Variants in OXA1L observed in about 807,000 individuals in gnomAD.
OXA1L encodes OXA1L mitochondrial inner membrane insertase, also known as mitochondrial inner membrane protein OXA1L.
In OXA1L, 42 loss-of-function variants were observed where a neutral mutation model predicts 52.2. That is an observed-to-expected ratio of 0.80 (90% CI 0.63 to 1.04). OXA1L has a LOEUF of 1.04. Among genes scored for constraint, OXA1L ranks in the 50% least tolerant of loss-of-function variants. The pLI is 0.00. For synonymous variants in OXA1L, 239 were observed against 201.9 expected (o/e 1.18, Z -1.56); for missense variants, 572 against 555.0 (o/e 1.03, Z -0.31).
At chr14:22,767,036 G>C (rs2038411939) in intron 1 of OXA1L, 2 of 1,536,080 alleles carry the variant, frequency 1.3e-6, no homozygotes, top group East Asian at 2.4e-5. Context: ...CGATAACTGA[G>C]ATGCGGGGAA....
In OXA1L at chr14:22,767,482, G is replaced by A. The variant is rs1594937850; in HGVS notation, c.225+73G>A. On this transcript the variant is annotated intron_variant, in intron 2 of 9. Transcript: ENST00000612549. ...TGGTTTCATATTTTGTTTTGTTTGG[G>A]AGCAGGGGGAATATGGAGCAGAGTT... 9 of 1,346,272 alleles carry A rather than the reference G, an allele frequency of 6.7e-6. No individual in the cohort carries two copies. The East Asian group carries it at 9.4e-5, about 14-fold the overall frequency. 83.4% of individuals were successfully genotyped at this position (1,346,272 alleles called of 1,614,324 possible).
chr14:22,771,664 C>A lies in OXA1L; in HGVS notation c.*106C>A. 2 of 1,151,190 alleles carry A rather than the reference C, an allele frequency of 1.7e-6. No individual in the cohort carries two copies. Among genetic ancestry groups the A allele is most frequent in the Non-Finnish European group, 2.6e-6 (2 of 782,288 alleles). 71.3% of individuals were successfully genotyped at this position (1,151,190 alleles called of 1,614,324 possible). A position where few individuals can be genotyped will look rare whatever the true frequency, so the allele number is the denominator to read the frequency against. Reference sequence around the variant, plus strand: ...TGCCCCAGTCCTAGGAACTGTGGCACACAGAGATGTTCATTTTAAAAACGG... The same window carrying A: ...TGCCCCAGTCCTAGGAACTGTGGCAAACAGAGATGTTCATTTTAAAAACGG... On this transcript the variant is annotated 3_prime_UTR_variant, in exon 10 of 10. Coordinates refer to ENST00000612549, the MANE Select transcript of OXA1L (RefSeq NM_005015.5).
rs1566433785 is a variant in OXA1L, at chr14:22,768,008, T to G, written c.276T>G (p.Pro92=). 7 of 1,614,192 alleles carry G rather than the reference T, an allele frequency of 4.3e-6. No homozygotes were observed. The highest frequency in any genetic ancestry group is 5.9e-6 in the Non-Finnish European group (7 of 1,180,006). ...CAACTCCCTCACCCACAGCAGTACC[T>G]GAGGTGGCTTCTGGAGAGACTGCAG... The part of the protein sequence containing the change: ...VAATPSPTAV[P]EVASGETADV... Residue 92 remains proline, a synonymous_variant, in exon 3 of 10, where the codon CCT becomes CCG. Transcript: ENST00000612549.
chr14:22,772,516 A>C lies in OXA1L; in HGVS notation c.*958A>C, dbSNP rs1399645131. 2 of 123,800 alleles carry C rather than the reference A, an allele frequency of 1.6e-5. No homozygotes were observed. Among genetic ancestry groups the C allele is most frequent in the Non-Finnish European group, 3.4e-5 (2 of 57,974 alleles). 7.7% of individuals were successfully genotyped at this position (123,800 alleles called of 1,614,324 possible). A position where few individuals can be genotyped will look rare whatever the true frequency, so the allele number is the denominator to read the frequency against. On this transcript the variant is annotated 3_prime_UTR_variant, in exon 10 of 10. Coordinates refer to ENST00000612549, the MANE Select transcript of OXA1L (RefSeq NM_005015.5). ...AAAAAAAAAAAAAAAAAAAAAAAAA[A>C]AAACAGTTTAAACTTCCAACCCATG...
At chr14:22,768,308 T>C in intron 3 of OXA1L, 137 bp downstream of exon 3, 1 of 665,450 alleles carries the variant, frequency 1.5e-6, no homozygotes, top group East Asian at 2.7e-5. Flanking sequence ...TAGAGGTTCA[T>C]GATACCTAGA....
At position 22,771,517 on chromosome 14, in the gene OXA1L, A is replaced by AGC; in HGVS notation, c.1267_1268insGC (p.Lys423SerfsTer46). 1 of 1,614,132 alleles carries AGC rather than the reference A, an allele frequency of 6.2e-7. No homozygotes were observed. Among genetic ancestry groups the AGC allele is most frequent in the Non-Finnish European group, 8.5e-7 (1 of 1,179,992 alleles). ...TCCCAATATCCCTAGCAGCAGCAGC[A>AGC]AACCAAAGTCAAAGTATCCCTGGCA... On this transcript the variant is annotated frameshift_variant, in exon 10 of 10. Transcript: ENST00000612549. LOFTEE classifies it high-confidence loss of function.
In OXA1L at chr14:22,768,119, G is replaced by A. The variant is rs1279369212; in HGVS notation, c.387G>A (p.Leu129=). The A allele has an allele frequency of 6.2e-7, 1 of 1,614,154 alleles. No individual in the cohort carries two copies. The highest frequency in any genetic ancestry group is 1.7e-5 in the Admixed American group (1 of 60,030). Residue 129 remains leucine (L), a synonymous_variant, in exon 3 of 10, where the codon CTG becomes CTA. Transcript: ENST00000612549. The part of the protein sequence containing the change: ...YTPVGLIQNL[L]EFMHVDLGLP... Reference sequence around the variant, plus strand: ...CAGTGGGACTGATCCAGAATTTACTGGAATTTATGCATGTTGATCTGGGCC... The same window carrying A: ...CAGTGGGACTGATCCAGAATTTACTAGAATTTATGCATGTTGATCTGGGCC...
chr14:22,768,304 T>C, intron 3 of OXA1L, 133 bp downstream of exon 3: 1 of 674,378 alleles, frequency 1.5e-6, no homozygotes, highest in South Asian at 1.7e-5. Context: ...GCAATAGAGG[T>C]TCATGATACC....
intron 3 of OXA1L, chr14:22,768,384 G>A (rs3764164): frequency 0.58 from 329,643 of 570,782 alleles, 96,491 homozygotes; most frequent in East Asian, 0.71. Flanking sequence ...TTCAAGAAGT[G>A]TAGATATTTG....
In OXA1L at chr14:22,767,993, A is replaced by G; in HGVS notation, c.261A>G (p.Ser87=). 6.2e-7 allele frequency: 1 copy of G among 1,613,828 alleles called. No homozygotes were observed. Among genetic ancestry groups the G allele is most frequent in the South Asian group, 1.1e-5 (1 of 91,068 alleles). The change falls in exon 3 of 10, where the codon TCA becomes TCG. Residue 87 remains serine, a synonymous_variant. Coordinates refer to ENST00000612549, the MANE Select transcript of OXA1L (RefSeq NM_005015.5). ...QAPPVVAATP[S]PTAVPEVASG... ...CTCCTGTTGTTGCTGCAACTCCCTCACCCACAGCAGTACCTGAGGTGGCTT... is the reference window on the plus strand; with the variant it reads ...CTCCTGTTGTTGCTGCAACTCCCTCGCCCACAGCAGTACCTGAGGTGGCTT...
Position 22,769,790 on chromosome 14 carries a change from G to T in OXA1L, c.440-1G>T, listed in dbSNP as rs112064856. On this transcript the variant is annotated splice_acceptor_variant, in intron 3 of 9. Coordinates refer to ENST00000612549, the MANE Select transcript of OXA1L (RefSeq NM_005015.5). LOFTEE classifies it high-confidence loss of function. ...CTCCAATCCTAGTTTGTATTTTCCA[G>T]GTACAGTCTTTGCCCGCTGCCTGAT... 20 of 1,614,162 alleles carry T rather than the reference G, an allele frequency of 1.2e-5. No homozygotes were observed. The highest frequency in any genetic ancestry group is 1.7e-5 in the Non-Finnish European group (20 of 1,180,020).
intron 4 of OXA1L, 40 bp from the exon 5 acceptor site, chr14:22,770,150 ATGT>A: frequency 6.9e-7 from 1 of 1,441,966 alleles, no homozygotes; most frequent in Non-Finnish European, 9.8e-7. Context: ...ACCTCCACTG[ATGT>A]AACTGTTACC....
intron 3 of OXA1L, 40 bp from the exon 4 acceptor site, chr14:22,769,751 C>T: frequency 6.2e-7 from 1 of 1,611,384 alleles, no homozygotes; most frequent in Non-Finnish European, 8.5e-7. Flanking sequence ...AGCTGCAGAA[C>T]TGCTTTAATT....
intron 1 of OXA1L, chr14:22,766,998 G>A: frequency 6.5e-7 from 1 of 1,533,764 alleles, no homozygotes; most frequent in Non-Finnish European, 8.7e-7. Flanking sequence ...CCTCGGCCTC[G>A]TTCTCAGGGC....
rs148216086 is a variant in OXA1L, at chr14:22,771,504, T to TAGCAGC, written c.1262_1267dup (p.Ser421_Ser422dup). The TAGCAGC allele has an allele frequency of 3.1e-6, 5 of 1,611,578 alleles. No homozygotes were observed. Among genetic ancestry groups the TAGCAGC allele is most frequent in the South Asian group, 2.2e-5 (2 of 90,984 alleles). The stretch of plus-strand genomic sequence containing the variant: ...GAAAGGATAACCCTCCCAATATCCC[T>TAGCAGC]AGCAGCAGCAGCAAACCAAAGTCAA... On this transcript the variant is annotated inframe_insertion, in exon 10 of 10. Coordinates refer to ENST00000612549, the MANE Select transcript of OXA1L (RefSeq NM_005015.5).
rs2038415443 is a variant in OXA1L, at chr14:22,767,276, G to A, written c.92G>A (p.Trp31Ter). 3 of 1,612,638 alleles carry A rather than the reference G, an allele frequency of 1.9e-6. No individual in the cohort carries two copies. The highest frequency in any genetic ancestry group is 4.5e-5 in the East Asian group (2 of 44,870). The change falls in exon 2 of 10, where the codon TGG becomes TAG. Residue 31 changes from tryptophan (W) to a stop codon, truncating the protein, a stop_gained. Transcript: ENST00000612549. LOFTEE classifies it high-confidence loss of function. ...CACAGCGTCGCAGGGCCCTCGCAAT[G>A]GCTTGGGAAACCGCTGACCACACGG... is the stretch of plus-strand genomic sequence containing the variant. ...RVHSVAGPSQ[W>*]LGKPLTTRLL...
rs1410417701 is a variant in OXA1L at position 22,772,302 on chromosome 14, G to A, written c.*744G>A. The A allele has an allele frequency of 6.9e-6, 1 of 144,710 alleles. No homozygotes were observed. Among genetic ancestry groups the A allele is most frequent in the Non-Finnish European group, 1.5e-5 (1 of 66,548 alleles). The allele number at this position is 144,710 out of a possible 1,614,324, so 9.0% of individuals were successfully genotyped here. A position where few individuals can be genotyped will look rare whatever the true frequency, so the allele number is the denominator to read the frequency against. On this transcript the variant is annotated 3_prime_UTR_variant, in exon 10 of 10. Coordinates refer to ENST00000612549, the MANE Select transcript of OXA1L (RefSeq NM_005015.5). ...GATCGAGACCATCCTGGCCAACATG[G>A]TGAAACCCCGTCTCTACTAAAAAAA... is the stretch of plus-strand genomic sequence containing the variant.
At chr14:22,767,128 C>CT (rs1416370577) in intron 1 of OXA1L, 120 bp from the exon 2 acceptor site, 2 of 1,536,502 alleles carry the variant, frequency 1.3e-6, no homozygotes, top group East Asian at 4.8e-5. Flanking sequence ...TAGCAATGTC[C>CT]TCCCCTGTAG....
chr14:22,767,961 C>G lies in OXA1L; in HGVS notation c.229C>G (p.Gln77Glu). Reference protein sequence around the residue: ...SAISFAEVQVQAPPVVAATPS... With the variant: ...SAISFAEVQVEAPPVVAATPS... ...TACAAGGCTTTCTTTCACACAGGTT[C>G]AGGCCCCTCCTGTTGTTGCTGCAAC... is the stretch of plus-strand genomic sequence containing the variant. The change falls in exon 3 of 10, where the codon CAG becomes GAG. Residue 77 changes from glutamine to glutamate, a missense_variant. Transcript: ENST00000612549. The G allele has an allele frequency of 6.2e-7, 1 of 1,610,886 alleles. No homozygotes were observed. Among genetic ancestry groups the G allele is most frequent in the South Asian group, 1.1e-5 (1 of 90,954 alleles).
Sources: gnomAD v4.1 joint callset for allele counts on GRCh38, gnomAD v4.1.1 for gene constraint, MANE v1.5 for transcripts, NCBI Gene and HGNC (gene_info 2026-07-23, HGNC 2026-07-21) for gene names.